Variants in GRM8 observed in about 807,000 individuals in gnomAD.
GRM8 encodes metabotropic glutamate receptor 8.
GRM8 carries 47 observed loss-of-function variants against 87.2 expected under a neutral mutation model. The observed-to-expected ratio is 0.54, with a 90% CI of 0.43 to 0.69. The LOEUF (loss-of-function observed/expected upper bound fraction) is 0.69. Among genes scored for constraint, GRM8 ranks in the 30% least tolerant of loss-of-function variants. The pLI is 0.00. For synonymous variants in GRM8, 396 were observed against 404.5 expected, an observed-to-expected ratio of 0.98 and a Z score of 0.25; for missense variants, 1,019 against 1,139.2, an observed-to-expected ratio of 0.89 and a Z score of 1.52.
chr7:127,056,167 C>T (rs776835572), intron 3 of GRM8, among the ~76,000 whole-genome samples: 8 of 152,162 alleles, frequency 5.3e-5, no homozygotes, highest in Non-Finnish European at 1.0e-4. Context: ...TGTTGCTCTA[C>T]ATTATTCTTG....
intron 7 of GRM8, among the ~76,000 whole-genome samples, chr7:126,618,833 G>C (rs4326327): frequency 0.32 from 47,928 of 151,948 alleles, 8,259 homozygotes; most frequent in East Asian, 0.43. Context: ...GATACCATCT[G>C]ACACCAGTTA....
chr7:126,588,721 C>T (rs1796394646), intron 8 of GRM8, among the ~76,000 whole-genome samples: 1 of 152,026 alleles, frequency 6.6e-6, no homozygotes, highest in South Asian at 2.1e-4. Flanking sequence ...GAGGAACATA[C>T]CAGGAAAGCC....
At chr7:126,660,562 A>G (rs1805049937) in intron 7 of GRM8, among the ~76,000 whole-genome samples, 1 of 152,192 alleles carries the variant, frequency 6.6e-6, no homozygotes, top group Non-Finnish European at 1.5e-5. Flanking sequence ...AAATGATTAC[A>G]GGTGTTTGGA....
intron 7 of GRM8, among the ~76,000 whole-genome samples, chr7:126,661,509 C>T (rs1805171450): frequency 6.6e-6 from 1 of 152,150 alleles, no homozygotes; most frequent in South Asian, 2.1e-4. Flanking sequence ...CCCTGGGACC[C>T]TCAGGACTCC....
At chr7:127,128,679 G>A (rs909093277) in intron 2 of GRM8, among the ~76,000 whole-genome samples, 3 of 152,004 alleles carry the variant, frequency 2.0e-5, no homozygotes, top group African/African-American at 7.2e-5. Flanking sequence ...TGAAAGTTAG[G>A]GTCCTTTGCT....
intron 2 of GRM8, among the ~76,000 whole-genome samples, chr7:127,152,513 A>C (rs1488055092): frequency 6.6e-6 from 1 of 152,164 alleles, no homozygotes; most frequent in African/African-American, 2.4e-5. Context: ...CCTGATTAAC[A>C]ACTTCATTCT....
intron 6 of GRM8, among the ~76,000 whole-genome samples, chr7:126,812,760 G>A (rs1450180884): frequency 6.6e-6 from 1 of 151,960 alleles, no homozygotes; most frequent in Non-Finnish European, 1.5e-5. Context: ...GCTTACTAGA[G>A]CTTACAATCT....
intron 3 of GRM8, among the ~76,000 whole-genome samples, chr7:127,071,958 T>C (rs1318173917): frequency 2.0e-5 from 3 of 152,152 alleles, no homozygotes; most frequent in Non-Finnish European, 4.4e-5. Flanking sequence ...CTATGTGGAA[T>C]GCCACTGATA....
chr7:126,866,405 A>C (rs990295590), intron 6 of GRM8, among the ~76,000 whole-genome samples: 2 of 150,070 alleles, frequency 1.3e-5, no homozygotes, highest in Admixed American at 1.3e-4. Context: ...TGAAGTATGA[A>C]AGTTTTTAAT....
intron 2 of GRM8, chr7:127,229,006 C>T (rs1797517144): frequency 6.6e-6 from 1 of 152,098 alleles, no homozygotes; most frequent in Non-Finnish European, 1.5e-5. Context: ...ATTCATCAAT[C>T]CTATACCACT....
intron 2 of GRM8, among the ~76,000 whole-genome samples, chr7:127,227,199 G>T (rs1400063687): frequency 6.6e-6 from 1 of 152,226 alleles, no homozygotes; most frequent in Non-Finnish European, 1.5e-5. Flanking sequence ...CTGAAACTGG[G>T]ACAAGGATGG....
intron 2 of GRM8, among the ~76,000 whole-genome samples, chr7:127,131,151 C>T (rs1341838770): frequency 1.3e-5 from 2 of 152,208 alleles, no homozygotes; most frequent in African/African-American, 2.4e-5. Flanking sequence ...ACCTCTGAAA[C>T]AGGCTCCCTC....
In GRM8 at chr7:127,106,643, G is replaced by A; in HGVS notation, c.580C>T (p.Arg194Ter). The change falls in exon 3 of 11, where the codon CGA becomes TGA. Residue 194 changes from arginine (R) to a stop codon, truncating the protein, a stop_gained. Coordinates refer to ENST00000339582, the MANE Select transcript of GRM8 (RefSeq NM_000845.3). LOFTEE classifies it high-confidence loss of function. ...SDNTRYDFFS[R>*]VVPPDSYQAQ... ...TGGTAGGAGTCAGGCGGAACCACTC[G>A]AGAGAAAAAGTCATACCTGGTGTTA... is the stretch of plus-strand genomic sequence containing the variant. 5.6e-6 allele frequency: 9 copies of A among 1,613,912 alleles called. No individual in the cohort carries two copies. Among genetic ancestry groups the A allele is most frequent in the Admixed American group, 1.7e-5 (1 of 59,994 alleles).
At chr7:126,734,638 A>G (rs1205476012) in intron 7 of GRM8, among the ~76,000 whole-genome samples, 1 of 151,964 alleles carries the variant, frequency 6.6e-6, no homozygotes, top group African/African-American at 2.4e-5. Flanking sequence ...CTTACAACAC[A>G]AAATGAAGAT....
chr7:126,527,799 TC>T (rs1584948379), intron 9 of GRM8, among the ~76,000 whole-genome samples: 1 of 152,202 alleles, frequency 6.6e-6, no homozygotes, highest in East Asian at 1.9e-4. Context: ...ACACACTGCC[TC>T]AGGAACAACT....
chr7:126,768,125 C>A (rs1017821259), intron 7 of GRM8, among the ~76,000 whole-genome samples: 1 of 151,942 alleles, frequency 6.6e-6, no homozygotes, highest in African/African-American at 2.4e-5. Context: ...TTCCTAAATC[C>A]CTATATTAGG....
chr7:126,753,847 C>A (rs1816712684), intron 7 of GRM8, among the ~76,000 whole-genome samples: 1 of 151,804 alleles, frequency 6.6e-6, no homozygotes, highest in African/African-American at 2.4e-5. Context: ...TTTTATTCTA[C>A]CCCTCCGAAT....
At chr7:127,225,135 C>T (rs997893323) in intron 2 of GRM8, among the ~76,000 whole-genome samples, 7 of 152,222 alleles carry the variant, frequency 4.6e-5, no homozygotes, top group African/African-American at 1.4e-4. Flanking sequence ...GAGGCATCTG[C>T]CCCTCCTTCT....
At chr7:126,655,644 A>G (rs1804441225) in intron 7 of GRM8, among the ~76,000 whole-genome samples, 1 of 152,178 alleles carries the variant, frequency 6.6e-6, no homozygotes, top group African/African-American at 2.4e-5. Flanking sequence ...ATGAGATGAC[A>G]TTTTCTTGGA....
Sources: allele counts gnomAD v4.1 joint callset (sites outside exome capture counted in the v4.1 genomes callset), GRCh38; gene constraint gnomAD v4.1.1; transcripts MANE v1.5; gene names NCBI Gene and HGNC (gene_info 2026-07-23, HGNC 2026-07-21).